The following DOT1L variants were observed in gnomAD, a reference collection of about 807,000 sequenced individuals.
DOT1L encodes histone-lysine N-methyltransferase, H3 lysine-79 specific.
A neutral mutation model predicts 153.3 loss-of-function variants in DOT1L; 33 were observed. That is an observed-to-expected ratio of 0.22 (90% CI 0.16 to 0.29). The LOEUF is 0.29. Ranked by LOEUF, DOT1L falls within the 10% of genes least tolerant of loss-of-function variation. The pLI is 1.00. For synonymous variants in DOT1L, 1,135 were observed against 965.1 expected (o/e 1.18, Z -3.26); for missense variants, 1,847 against 2,119.9 (o/e 0.87, Z 2.53).
rs2024523087 is a variant in DOT1L, at chr19:2,229,853, C to A, written c.*61C>A. 6.2e-7 allele frequency: 1 copy of A among 1,611,664 alleles called. No individual in the cohort carries two copies. The highest frequency in any genetic ancestry group is 1.1e-5 in the South Asian group (1 of 91,080). Reference sequence around the variant, plus strand: ...GGTGTGGACCAACTCGCGCCCGCGGCATGGTGCCCGCCGGCCTGCCGGGCT... The same window carrying A: ...GGTGTGGACCAACTCGCGCCCGCGGAATGGTGCCCGCCGGCCTGCCGGGCT... On this transcript the variant is annotated 3_prime_UTR_variant, in exon 28 of 28. Transcript: ENST00000398665.
At position 2,190,914 on chromosome 19, in the gene DOT1L, G is replaced by A. The variant is rs545519594; in HGVS notation, c.265-98G>A. The A allele has an allele frequency of 4.0e-5, 47 of 1,184,504 alleles. 1 individual carries two copies. Among genetic ancestry groups the A allele is most frequent in the South Asian group, 3.2e-4 (23 of 71,496 alleles). The allele number at this position is 1,184,504 out of a possible 1,614,324, so 73.4% of individuals were successfully genotyped here. On this transcript the variant is annotated intron_variant, in intron 4 of 27. Transcript: ENST00000398665. This position sits in a 1 kb window ranked among gnomAD's most constrained non-coding sequence, Gnocchi z 4.8. ...CAGGGGGACGAGAGGCCATGCAGCC[G>A]ACTCCCTGCTTCCGCTGGGAAAGGT...
intron 1 of DOT1L, among the ~76,000 whole-genome samples, chr19:2,167,118 G>C (rs919369450): frequency 6.6e-6 from 1 of 152,190 alleles, no homozygotes; most frequent in Non-Finnish European, 1.5e-5. Flanking sequence ...ACTGTGGGCT[G>C]TTTCCAATTT....
chr19:2,227,203 G>A, intron 27 of DOT1L, 76 bp downstream of exon 27: 7 of 1,542,132 alleles, frequency 4.5e-6, no homozygotes, highest in Non-Finnish European at 6.2e-6. Flanking sequence ...GTTCCCTTCC[G>A]CACTCTCTTG....
In DOT1L at chr19:2,190,258, C is replaced by T. The variant is rs1463141915; in HGVS notation, c.264+463C>T. ...CTCGTGAGGCTTTCCTCACAGAGGACGGGGCACACAGTGAGCTGGGGTGTA... is the reference window on the plus strand; with the variant it reads ...CTCGTGAGGCTTTCCTCACAGAGGATGGGGCACACAGTGAGCTGGGGTGTA... On this transcript the variant is annotated intron_variant, in intron 4 of 27. Coordinates refer to ENST00000398665, the MANE Select transcript of DOT1L (RefSeq NM_032482.3). This position sits in a 1 kb window ranked among gnomAD's most constrained non-coding sequence, Gnocchi z 4.8. Among the ~76,000 whole-genome samples, 2 of 152,262 alleles carry T rather than the reference C, an allele frequency of 1.3e-5. No individual in the cohort carries two copies. Among genetic ancestry groups the T allele is most frequent in the Admixed American group, 6.5e-5 (1 of 15,298 alleles).
intron 1 of DOT1L, among the ~76,000 whole-genome samples, chr19:2,174,777 C>A (rs2021826902): frequency 1.3e-5 from 2 of 149,818 alleles, no homozygotes; most frequent in Admixed American, 1.3e-4. Flanking sequence ...ACCTGTCATG[C>A]CCAGCTAGTT....
intron 9 of DOT1L, among the ~76,000 whole-genome samples, chr19:2,205,353 C>T (rs547727234): frequency 2.0e-5 from 3 of 152,218 alleles, no homozygotes; most frequent in Non-Finnish European, 2.9e-5. Context: ...AGTTCGGCTC[C>T]TGACACCAAG....
In DOT1L at chr19:2,222,509, G is replaced by A. The variant is rs771710239; in HGVS notation, c.3340G>A (p.Ala1114Thr). ...SPKRRALPSVAGLFTQPSGSP... is the reference protein window; with the variant it reads ...SPKRRALPSVTGLFTQPSGSP... ...CAAGCGCCGAGCCCTGCCGTCCGTCGCTGGCCTTTTCACACAGCCTTCGGG... is the reference window on the plus strand; with the variant it reads ...CAAGCGCCGAGCCCTGCCGTCCGTCACTGGCCTTTTCACACAGCCTTCGGG... Residue 1114 changes from alanine (A) to threonine (T), a missense_variant, in exon 24 of 28, where the codon GCT (alanine) becomes ACT (threonine). By Grantham distance (58) the Ala-to-Thr change is moderately conservative. Coordinates refer to ENST00000398665, the MANE Select transcript of DOT1L (RefSeq NM_032482.3). This position sits in a 1 kb window ranked among gnomAD's most constrained non-coding sequence, Gnocchi z 6.5. 4 of 1,575,674 alleles carry A rather than the reference G, an allele frequency of 2.5e-6. No homozygotes were observed. The highest frequency in any genetic ancestry group is 2.7e-5 in the African/African-American group (2 of 74,408).
At chr19:2,165,049 G>C (rs971642282) in intron 1 of DOT1L, among the ~76,000 whole-genome samples, 4 of 152,216 alleles carry the variant, frequency 2.6e-5, no homozygotes, top group Non-Finnish European at 5.9e-5. Context: ...GCACCCCACC[G>C]GGTGGTTCCA....
intron 1 of DOT1L, among the ~76,000 whole-genome samples, chr19:2,171,938 G>A (rs2021653523): frequency 6.6e-6 from 1 of 152,226 alleles, no homozygotes; most frequent in Non-Finnish European, 1.5e-5. Flanking sequence ...AATCACAGAA[G>A]TGATTGCCCG....
In DOT1L at chr19:2,190,993, G is replaced by A; in HGVS notation, c.265-19G>A. ...CCGTGAGGTTTATGTGACATGGCCG[G>A]GCCACCCTCCGTCCGCAGTGGAAGG... On this transcript the variant is annotated intron_variant, in intron 4 of 27. Transcript: ENST00000398665. This position sits in a 1 kb window ranked among gnomAD's most constrained non-coding sequence, Gnocchi z 4.8. The A allele has an allele frequency of 6.3e-7, 1 of 1,578,116 alleles. No homozygotes were observed. Among genetic ancestry groups the A allele is most frequent in the Non-Finnish European group, 8.6e-7 (1 of 1,165,866 alleles).
At position 2,214,517 on chromosome 19, in the gene DOT1L, C is replaced by T. The variant is rs2144855538; in HGVS notation, c.1844C>T (p.Ser615Leu). 2 of 1,613,122 alleles carry T rather than the reference C, an allele frequency of 1.2e-6. No individual in the cohort carries two copies. The highest frequency in any genetic ancestry group is 2.2e-5 in the East Asian group (1 of 44,882). Residue 615 changes from serine (S) to leucine (L), a missense_variant, in exon 19 of 28, where the codon TCG (serine) becomes TTG (leucine). Transcript: ENST00000398665. The part of the protein sequence containing the change: ...EELQLDWATL[S>L]LEKLLKEKQA... Reference sequence around the variant, plus strand: ...CTGCAGCTGGACTGGGCCACGCTGTCGCTGGAGAAGCTGTTGAAGGAGAAG... The same window carrying T: ...CTGCAGCTGGACTGGGCCACGCTGTTGCTGGAGAAGCTGTTGAAGGAGAAG...
At chr19:2,209,080 AG>A in intron 12 of DOT1L, 104 bp downstream of exon 12, 3 of 1,339,376 alleles carry the variant, frequency 2.2e-6, no homozygotes, top group Middle Eastern at 1.9e-4. Context: ...ACTGGAGCAC[AG>A]CCCTGCCGCC....
At position 2,197,313 on chromosome 19, in the gene DOT1L, G is replaced by T. The variant is rs957718714; in HGVS notation, c.652-2571G>T. Among the ~76,000 whole-genome samples the T allele has an allele frequency of 6.6e-6, 1 of 152,214 alleles. No homozygotes were observed. The highest frequency in any genetic ancestry group is 1.5e-5 in the Non-Finnish European group (1 of 68,038). ...GGGTTCTGGGTCCACTTGCACTCTG[G>T]CCGGAAGTTCCCACATGGGTTCCTG... On this transcript the variant is annotated intron_variant, in intron 7 of 27. Coordinates refer to ENST00000398665, the MANE Select transcript of DOT1L (RefSeq NM_032482.3). This position sits in a 1 kb window ranked among gnomAD's most constrained non-coding sequence, Gnocchi z 4.1.
chr19:2,220,558 C>A lies in DOT1L; in HGVS notation c.2806+336C>A. 1 of 488,816 alleles carries A rather than the reference C, an allele frequency of 2.0e-6. No individual in the cohort carries two copies. Among genetic ancestry groups the A allele is most frequent in the Admixed American group, 2.3e-5 (1 of 43,432 alleles). The allele number at this position is 488,816 out of a possible 1,614,324, so 30.3% of individuals were successfully genotyped here. A position where few individuals can be genotyped will look rare whatever the true frequency, so the allele number is the denominator to read the frequency against. On this transcript the variant is annotated intron_variant, in intron 23 of 27. Transcript: ENST00000398665. The surrounding 1 kb of genome is among the most constrained non-coding windows in gnomAD (Gnocchi z 4.5). ...GAGGCCCCTGACTCAGGATCGGCTC[C>A]ACACACAGCAGTGCCCAATGGCACA...
intron 1 of DOT1L, among the ~76,000 whole-genome samples, chr19:2,169,608 C>T (rs1473435435): frequency 6.6e-6 from 1 of 152,108 alleles, no homozygotes. Context: ...ATTCTCCTGC[C>T]TCAGCCTCCC....
At position 2,231,224 on chromosome 19, in the gene DOT1L, AC is replaced by A. The variant is rs1242812721; in HGVS notation, c.*1433del. Reference sequence around the variant, plus strand: ...CGCATCTGGCCCTGGGCTGTGTGGCACTTGCTGAGCCCACCTTCTCAAGTGC... The same window carrying A: ...CGCATCTGGCCCTGGGCTGTGTGGCATTGCTGAGCCCACCTTCTCAAGTGC... On this transcript the variant is annotated 3_prime_UTR_variant, in exon 28 of 28. Transcript: ENST00000398665. 1.3e-5 allele frequency: 3 copies of A among 227,862 alleles called. No individual in the cohort carries two copies. The Admixed American group carries it at 1.7e-4, about 13-fold the overall frequency. 14.1% of individuals were successfully genotyped at this position (227,862 alleles called of 1,614,324 possible).
chr19:2,209,019 C>G (rs755047458), intron 12 of DOT1L, 43 bp downstream of exon 12: 1 of 1,601,366 alleles, frequency 6.2e-7, no homozygotes, highest in Non-Finnish European at 8.5e-7. Context: ...AACACGCATG[C>G]ACTGATGTGG....
chr19:2,207,146 C>G lies in DOT1L; in HGVS notation c.856+349C>G, dbSNP rs543382774. Among the ~76,000 whole-genome samples, 2 of 152,348 alleles carry G rather than the reference C, an allele frequency of 1.3e-5. No homozygotes were observed. The highest frequency in any genetic ancestry group is 4.1e-4 in the South Asian group (2 of 4,832). On this transcript the variant is annotated intron_variant, in intron 10 of 27. Transcript: ENST00000398665. This position sits in a 1 kb window ranked among gnomAD's most constrained non-coding sequence, Gnocchi z 4.5. ...CACGGTGGGAAGGAGCCGGCCCCTC[C>G]CATGCCCCCTGCCTGCCTTACTGTG... is the stretch of plus-strand genomic sequence containing the variant.
intron 2 of DOT1L, among the ~76,000 whole-genome samples, chr19:2,184,263 C>T (rs1275438496): frequency 6.6e-6 from 1 of 152,152 alleles, no homozygotes; most frequent in Non-Finnish European, 1.5e-5. Flanking sequence ...GTGAGGTCCC[C>T]TGCCGGTGTT....
Sources: allele counts gnomAD v4.1 joint callset (sites outside exome capture counted in the v4.1 genomes callset), GRCh38; gene constraint gnomAD v4.1.1; non-coding constraint Gnocchi (gnomAD v3.1); transcripts MANE v1.5; gene names NCBI Gene and HGNC (gene_info 2026-07-23, HGNC 2026-07-21).